Variants in LAMB2 observed in about 807,000 individuals in gnomAD.
LAMB2 encodes the protein laminin subunit beta 2, also known as laminin subunit beta-2.
A neutral mutation model predicts 202.7 loss-of-function variants in LAMB2; 119 were observed. The observed-to-expected ratio is 0.59, with a 90% CI of 0.51 to 0.68. LAMB2 has a LOEUF of 0.68. Among genes scored for constraint, LAMB2 ranks in the 30% least tolerant of loss-of-function variants. The pLI, the probability that LAMB2 is intolerant of heterozygous loss-of-function variation, is 0.00. For synonymous variants in LAMB2, 818 were observed against 902.2 expected (o/e 0.91, Z 1.67); for missense variants, 2,124 against 2,410.6 (o/e 0.88, Z 2.49).
In LAMB2 at chr3:49,122,869, C is replaced by T. The variant is rs1218020513; in HGVS notation, c.4408G>A (p.Gly1470Ser). ...GCCACTCTGCTGAGGATGCTACCACCTTCTGCCAGTGCCCGCTGCAGCTCT... is the reference window on the plus strand; with the variant it reads ...GCCACTCTGCTGAGGATGCTACCACTTTCTGCCAGTGCCCGCTGCAGCTCT... ...QAELQRALAE[G>S]GSILSRVAET... is the part of the protein sequence containing the mutation. Residue 1470 changes from glycine to serine, a missense_variant, in exon 27 of 32, where the codon GGT becomes AGT. By Grantham distance (56) the Gly-to-Ser change is moderately conservative. This residue lies in a region of LAMB2 where 1,702 missense variants were observed against 1,896.3 expected (regional missense o/e 0.90). Transcript: ENST00000305544. 1.2e-6 allele frequency: 2 copies of T among 1,611,140 alleles called. No individual in the cohort carries two copies. Among genetic ancestry groups the T allele is most frequent in the African/African-American group, 2.7e-5 (2 of 74,932 alleles).
rs2045377527 is a variant in LAMB2 at position 49,123,684 on chromosome 3, GGCCTC to G, written c.3797+39_3797+43del. On this transcript the variant is annotated intron_variant, in intron 24 of 31. Coordinates refer to ENST00000305544, the MANE Select transcript of LAMB2 (RefSeq NM_002292.4). ...GAGAGGCTTCAGCCCTGGTCCACTG[GGCCTC>G]TGCCCCATCCCACCATGTATTCTTA... 6 of 1,613,576 alleles carry G rather than the reference GGCCTC, an allele frequency of 3.7e-6. 1 individual carries two copies. In the South Asian group the frequency reaches 5.5e-5, roughly 15 times the overall value.
chr3:49,121,399 C>T lies in LAMB2; in HGVS notation c.5260+34G>A, dbSNP rs115838211. ...AGGTGTCAGTTTAGGGGGGGTTTCC[C>T]GCAGTCTTGTGTCTCTGGTGCCCCA... On this transcript the variant is annotated intron_variant, in intron 31 of 31. Transcript: ENST00000305544. The T allele has an allele frequency of 8.6e-4, 1,394 of 1,614,054 alleles. 8 individuals carry two copies. In the African/African-American group the frequency reaches 0.011, roughly 13 times the overall value.
chr3:49,131,375 T>C lies in LAMB2; in HGVS notation c.712+4A>G. 1 of 1,613,886 alleles carries C rather than the reference T, an allele frequency of 6.2e-7. No homozygotes were observed. The highest frequency in any genetic ancestry group is 8.5e-7 in the Non-Finnish European group (1 of 1,179,816). ...GTGCCAGACTCAAAGGGTGGAGCAC[T>C]CACTCTGAATCCGTGAGCTGTAGGG... On this transcript the variant is annotated splice_donor_region_variant and intron_variant, in intron 6 of 31. Coordinates refer to ENST00000305544, the MANE Select transcript of LAMB2 (RefSeq NM_002292.4). This position sits in a 1 kb window ranked among gnomAD's most constrained non-coding sequence, Gnocchi z 5.0.
At position 49,129,249 on chromosome 3, in the gene LAMB2, G is replaced by T; in HGVS notation, c.1594C>A (p.Pro532Thr). 6.2e-7 allele frequency: 1 copy of T among 1,613,996 alleles called. No homozygotes were observed. Among genetic ancestry groups the T allele is most frequent in the Non-Finnish European group, 8.5e-7 (1 of 1,179,942 alleles). The stretch of plus-strand genomic sequence containing the variant: ...GGCCCCCTTTACAACACTTACTGGG[G>T]ATCCAAAGCACCACCCACGTCGCAG... Reference protein sequence around the residue: ...CDCDVGGALDPQCDEGTGQCH... With the variant: ...CDCDVGGALDTQCDEGTGQCH... The change falls in exon 12 of 32, where the codon CCC becomes ACC. Residue 532 changes from proline (P) to threonine (T), a missense_variant. By Grantham distance (38) the Pro-to-Thr change is conservative. Around this residue, in one of 3 missense-constraint regions of LAMB2, gnomAD observed 1,702 missense variants for 1,896.3 expected, o/e 0.90. Coordinates refer to ENST00000305544, the MANE Select transcript of LAMB2 (RefSeq NM_002292.4). The surrounding 1 kb of genome is among the most constrained non-coding windows in gnomAD (Gnocchi z 6.1).
Position 49,126,052 on chromosome 3 carries a change from A to T in LAMB2, c.2259T>A (p.Gly753=), listed in dbSNP as rs2045410560. Residue 753 remains glycine, a synonymous_variant, in exon 17 of 32, where the codon GGT becomes GGA. Transcript: ENST00000305544. ...AGGGAGAAGTCTTGCTGGGCACCAG[A>T]CCCTCCTCATGGCATTGGTAGCGTT... The part of the protein sequence containing the change: ...TFERYQCHEE[G]LVPSKTSPSE... The T allele has an allele frequency of 6.2e-7, 1 of 1,613,838 alleles. No individual in the cohort carries two copies.
Position 49,124,055 on chromosome 3 carries a change from C to T in LAMB2, c.3470G>A (p.Arg1157His), listed in dbSNP as rs766772811. 74 of 1,613,680 alleles carry T rather than the reference C, an allele frequency of 4.6e-5. 1 individual carries two copies. The Middle Eastern group carries it at 1.3e-3, about 29-fold the overall frequency. Residue 1157 changes from arginine to histidine, a missense_variant, in exon 24 of 32, where the codon CGC becomes CAC. Around this residue, in one of 3 missense-constraint regions of LAMB2, gnomAD observed 1,702 missense variants for 1,896.3 expected, o/e 0.90. Transcript: ENST00000305544. ...GCGGCAGCTGCAGTGACCTGTGAAG[C>T]GGTGACACTGAGGTGTATCTATTCC... is the stretch of plus-strand genomic sequence containing the variant. ...SRGIDTPQCH[R>H]FTGHCSCRPG...
intron 24 of LAMB2, 21 bp from the exon 25 acceptor site, chr3:49,123,652 G>A (rs2045377083): frequency 1.9e-6 from 3 of 1,614,020 alleles, no homozygotes; most frequent in Non-Finnish European, 2.5e-6. Flanking sequence ...GGAGAGGGGG[G>A]TGTTTAGAGA....
chr3:49,131,612 G>A lies in LAMB2; in HGVS notation c.571C>T (p.Leu191=). 1 of 1,613,884 alleles carries A rather than the reference G, an allele frequency of 6.2e-7. No individual in the cohort carries two copies. Among genetic ancestry groups the A allele is most frequent in the South Asian group, 1.1e-5 (1 of 91,090 alleles). ...DCGADFPGVP[L]APPRHWDDVV... ...TCATCCCAGTGCCGTGGGGGTGCTAGTGGGACTCCTGGGAAGTCAGCCCCA... is the reference window on the plus strand; with the variant it reads ...TCATCCCAGTGCCGTGGGGGTGCTAATGGGACTCCTGGGAAGTCAGCCCCA... Residue 191 remains leucine (L), a synonymous_variant, in exon 5 of 32, where the codon CTA becomes TTA. Coordinates refer to ENST00000305544, the MANE Select transcript of LAMB2 (RefSeq NM_002292.4). The surrounding 1 kb of genome is among the most constrained non-coding windows in gnomAD (Gnocchi z 5.0).
chr3:49,125,307 T>A lies in LAMB2; in HGVS notation c.2666A>T (p.His889Leu), dbSNP rs574417809. ...ACGGCAGCCCAGGCAAGCGCCTGTG[T>A]GGGTGTTGCACTCATCTGCATGCCC... The part of the protein sequence containing the change: ...CNGHADECNT[H>L]TGACLGCRDH... Residue 889 changes from histidine (H) to leucine (L), a missense_variant, in exon 19 of 32, where the codon CAC becomes CTC. His to Leu is a moderately conservative substitution (Grantham distance 99, BLOSUM62 -3). This residue lies in a region of LAMB2 where 1,702 missense variants were observed against 1,896.3 expected (regional missense o/e 0.90). Transcript: ENST00000305544. 6.2e-7 allele frequency: 1 copy of A among 1,613,954 alleles called. No individual in the cohort carries two copies. Among genetic ancestry groups the A allele is most frequent in the African/African-American group, 1.3e-5 (1 of 75,064 alleles).
chr3:49,132,359 G>A lies in LAMB2; in HGVS notation c.296C>T (p.Ala99Val), dbSNP rs774868224. 6.2e-7 allele frequency: 1 copy of A among 1,614,236 alleles called. No homozygotes were observed. Among genetic ancestry groups the A allele is most frequent in the Non-Finnish European group, 8.5e-7 (1 of 1,180,046 alleles). ...FLCDSRRPFS[A>V]RDNPHSHRIQ... Reference sequence around the variant, plus strand: ...GCGATGGCTGTGTGGGTTGTCTCTAGCAGAGAAGGGGCGCCGGGAGTCACA... The same window carrying A: ...GCGATGGCTGTGTGGGTTGTCTCTAACAGAGAAGGGGCGCCGGGAGTCACA... The change falls in exon 3 of 32, where the codon GCT becomes GTT. Residue 99 changes from alanine to valine, a missense_variant. Coordinates refer to ENST00000305544, the MANE Select transcript of LAMB2 (RefSeq NM_002292.4). This position sits in a 1 kb window ranked among gnomAD's most constrained non-coding sequence, Gnocchi z 4.6.
At position 49,128,770 on chromosome 3, in the gene LAMB2, C is replaced by T. The variant is rs1250784728; in HGVS notation, c.1781G>A (p.Trp594Ter). Residue 594 changes from tryptophan (W) to a stop codon, truncating the protein, a stop_gained, in exon 14 of 32, where the codon TGG becomes TAG. Transcript: ENST00000305544. LOFTEE classifies it high-confidence loss of function. ...RLVTPGETPSWTGSGFVRLQE... is the reference protein window; with the variant it reads ...RLVTPGETPS ...TAGCCGCACGAAGCCTGAGCCAGTC[C>T]AGGATGGAGTTTCCCCGGGGGTCAC... 6.2e-7 allele frequency: 1 copy of T among 1,614,144 alleles called. No homozygotes were observed. The highest frequency in any genetic ancestry group is 1.1e-5 in the South Asian group (1 of 91,086).
chr3:49,132,501 C>T lies in LAMB2; in HGVS notation c.239G>A (p.Ser80Asn). 1 of 1,614,008 alleles carries T rather than the reference C, an allele frequency of 6.2e-7. No individual in the cohort carries two copies. Among genetic ancestry groups the T allele is most frequent in the Non-Finnish European group, 8.5e-7 (1 of 1,180,016 alleles). The stretch of plus-strand genomic sequence containing the variant: ...TGTCCCCAGCCACACCTGCAGGTGA[C>T]TGACGATGCAGTAGGGCTGGGGGCC... ...LNGPQPYCIV[S>N]HLQDEKKCFL... Residue 80 changes from serine (S) to asparagine (N), a missense_variant, in exon 2 of 32, where the codon AGT becomes AAT. Coordinates refer to ENST00000305544, the MANE Select transcript of LAMB2 (RefSeq NM_002292.4). The surrounding 1 kb of genome is among the most constrained non-coding windows in gnomAD (Gnocchi z 4.6).
intron 15 of LAMB2, among the ~76,000 whole-genome samples, chr3:49,127,792 G>A (rs1344148412): frequency 3.4e-5 from 5 of 146,904 alleles, no homozygotes; most frequent in South Asian, 2.2e-4. Context: ...AGGCCAAGGC[G>A]GGCAGATCAC....
In LAMB2 at chr3:49,129,854, G is replaced by C. The variant is rs555820356; in HGVS notation, c.1390C>G (p.Arg464Gly). 1 of 1,613,828 alleles carries C rather than the reference G, an allele frequency of 6.2e-7. No individual in the cohort carries two copies. The highest frequency in any genetic ancestry group is 1.3e-5 in the African/African-American group (1 of 75,040). Reference protein sequence around the residue: ...DGFFGLSISDRLGCRRCQCNA... With the variant: ...DGFFGLSISDGLGCRRCQCNA... ...AGACACATACGCCGGCAGCCCAGAC[G>C]GTCACTGATGCTGAGCCCAAAGAAG... is the stretch of plus-strand genomic sequence containing the variant. The change falls in exon 10 of 32, where the codon CGT becomes GGT. Residue 464 changes from arginine (R) to glycine (G), a missense_variant. Around this residue, in one of 3 missense-constraint regions of LAMB2, gnomAD observed 1,702 missense variants for 1,896.3 expected, o/e 0.90. Transcript: ENST00000305544. This position sits in a 1 kb window ranked among gnomAD's most constrained non-coding sequence, Gnocchi z 6.1.
rs1389037322 is a variant in LAMB2 at position 49,121,807 on chromosome 3, C to T, written c.4977G>A (p.Arg1659=). 4 of 1,613,344 alleles carry T rather than the reference C, an allele frequency of 2.5e-6. No homozygotes were observed. The highest frequency in any genetic ancestry group is 3.3e-5 in the Admixed American group (2 of 60,022). Residue 1659 remains arginine, a synonymous_variant, in exon 30 of 32, where the codon AGG becomes AGA. Transcript: ENST00000305544. The part of the protein sequence containing the change: ...AERALSSAGE[R]ARQLDALLEA... ...CCAGGAGAGCATCCAACTGCCGAGC[C>T]CTTTCACCTGCAGAGCTCAGTGCCC...
chr3:49,125,677 A>G (rs1486377888), intron 18 of LAMB2, 70 bp downstream of exon 18: 7 of 1,583,352 alleles, frequency 4.4e-6, no homozygotes, highest in Non-Finnish European at 6.0e-6. Context: ...CAGCAGGTCC[A>G]GAAGGAGGAG....
At position 49,131,178 on chromosome 3, in the gene LAMB2, T is replaced by G; in HGVS notation, c.713-26A>C. 1 of 1,607,678 alleles carries G rather than the reference T, an allele frequency of 6.2e-7. No homozygotes were observed. The highest frequency in any genetic ancestry group is 8.5e-7 in the Non-Finnish European group (1 of 1,175,658). On this transcript the variant is annotated intron_variant, in intron 6 of 31. Transcript: ENST00000305544. The surrounding 1 kb of genome is among the most constrained non-coding windows in gnomAD (Gnocchi z 5.0). ...CTGAGGCGGGGGAAGGGGGGCCAAC[T>G]GACCAGGCAGGCCCTTGCTGCCCCA...
At position 49,128,713 on chromosome 3, in the gene LAMB2, G is replaced by A; in HGVS notation, c.1838C>T (p.Ala613Val). ...ATAGTCCATAGCCTTCGGCACAGAG[G>A]CCACCAGGAACTCCAGGGTCTGACC... Reference protein sequence around the residue: ...QEGQTLEFLVASVPKAMDYDL... With the variant: ...QEGQTLEFLVVSVPKAMDYDL... The change falls in exon 14 of 32, where the codon GCC becomes GTC. Residue 613 changes from alanine to valine, a missense_variant. Coordinates refer to ENST00000305544, the MANE Select transcript of LAMB2 (RefSeq NM_002292.4). 1 of 1,614,150 alleles carries A rather than the reference G, an allele frequency of 6.2e-7. No individual in the cohort carries two copies.
Position 49,130,686 on chromosome 3 carries a change from G to A in LAMB2, c.1036+54C>T. Reference sequence around the variant, plus strand: ...ACCAACTAGCTCTAGGTTCTACCCAGGGCACAGCCAGGCTGCAGAGTGCTG... The same window carrying A: ...ACCAACTAGCTCTAGGTTCTACCCAAGGCACAGCCAGGCTGCAGAGTGCTG... On this transcript the variant is annotated intron_variant, in intron 8 of 31. Transcript: ENST00000305544. The surrounding 1 kb of genome is among the most constrained non-coding windows in gnomAD (Gnocchi z 5.0). 1 of 1,610,720 alleles carries A rather than the reference G, an allele frequency of 6.2e-7. No homozygotes were observed.
Sources: allele counts gnomAD v4.1 joint callset (sites outside exome capture counted in the v4.1 genomes callset), GRCh38; gene constraint gnomAD v4.1.1; regional missense constraint gnomAD v4.1.1; non-coding constraint Gnocchi (gnomAD v3.1); transcripts MANE v1.5; gene names NCBI Gene and HGNC (gene_info 2026-07-23, HGNC 2026-07-21).